Variants in SH3BP4 observed in about 807,000 individuals in gnomAD.
SH3BP4 encodes SH3 domain-binding protein 4.
SH3BP4 carries 33 observed loss-of-function variants against 65.5 expected under a neutral mutation model. The observed-to-expected ratio is 0.50, with a 90% CI of 0.38 to 0.67. The LOEUF (loss-of-function observed/expected upper bound fraction) is 0.67, where lower values mean the gene tolerates loss of function less well. SH3BP4 is among the 30% of genes least tolerant of loss of function. The pLI, the probability that SH3BP4 is intolerant of heterozygous loss-of-function variation, is 0.00. For synonymous variants in SH3BP4, 552 were observed against 545.5 expected (o/e 1.01, Z -0.17); for missense variants, 1,134 against 1,261.4 (o/e 0.90, Z 1.53).
intron 2 of SH3BP4, among the ~76,000 whole-genome samples, chr2:235,032,820 G>C (rs1206818655): frequency 6.6e-6 from 1 of 152,160 alleles, no homozygotes; most frequent in Non-Finnish European, 1.5e-5. Flanking sequence ...CTGCCAGCCA[G>C]GGAGTCTCGG....
chr2:235,038,843 C>T (rs577574693), intron 3 of SH3BP4, among the ~76,000 whole-genome samples: 57 of 152,096 alleles, frequency 3.7e-4, no homozygotes, highest in African/African-American at 1.4e-3. Context: ...ATGTGTGGTG[C>T]TATATTTTGG....
intron 2 of SH3BP4, among the ~76,000 whole-genome samples, chr2:235,027,052 G>A (rs1184891774): frequency 2.6e-5 from 4 of 152,200 alleles, no homozygotes; most frequent in African/African-American, 9.6e-5. Context: ...TGTAACAGGC[G>A]GGGCATCTGC....
chr2:234,987,068 G>A (rs527661443), intron 1 of SH3BP4, among the ~76,000 whole-genome samples: 3 of 152,094 alleles, frequency 2.0e-5, no homozygotes, highest in African/African-American at 2.4e-5. Flanking sequence ...CACCCCGCCC[G>A]GCCTGCTAAT....
At chr2:235,040,797 CTGTT>C in intron 3 of SH3BP4, 87 bp from the exon 4 acceptor site, 1 of 1,109,962 alleles carries the variant, frequency 9.0e-7, no homozygotes, top group Non-Finnish European at 1.3e-6. Context: ...GTGCACCTGT[CTGTT>C]TACCACCGTC....
At chr2:234,954,987 G>A (rs147895398) in intron 1 of SH3BP4, among the ~76,000 whole-genome samples, 1 of 152,316 alleles carries the variant, frequency 6.6e-6, no homozygotes, top group African/African-American at 2.4e-5. Flanking sequence ...AGGAGCTGCT[G>A]TTTACAACTG....
intron 2 of SH3BP4, among the ~76,000 whole-genome samples, chr2:235,019,214 G>A (rs1386599380): frequency 3.3e-5 from 5 of 152,134 alleles, no homozygotes; most frequent in Non-Finnish European, 7.4e-5. Flanking sequence ...GGTGGGTGGA[G>A]GGAGTGGAAC....
chr2:235,005,371 G>A (rs1010634162), intron 2 of SH3BP4, among the ~76,000 whole-genome samples: 1 of 152,016 alleles, frequency 6.6e-6, no homozygotes, highest in Non-Finnish European at 1.5e-5. Flanking sequence ...GGCTCACTCC[G>A]GCTCCCCTGA....
chr2:235,025,441 G>T (rs1449381585), intron 2 of SH3BP4, among the ~76,000 whole-genome samples: 1 of 152,200 alleles, frequency 6.6e-6, no homozygotes, highest in Non-Finnish European at 1.5e-5. Flanking sequence ...GAAGGTCCGG[G>T]TCCTGCTTTC....
rs2106269990 is a variant in SH3BP4 at position 234,991,664 on chromosome 2, G to A, written c.-206-3639G>A. Among the ~76,000 whole-genome samples the A allele has an allele frequency of 6.6e-6, 1 of 152,328 alleles. No individual in the cohort carries two copies. Among genetic ancestry groups the A allele is most frequent in the South Asian group, 2.1e-4 (1 of 4,826 alleles). On this transcript the variant is annotated intron_variant, in intron 1 of 5. Coordinates refer to ENST00000392011, the MANE Select transcript of SH3BP4 (RefSeq NM_014521.3). The surrounding 1 kb of genome is among the most constrained non-coding windows in gnomAD (Gnocchi z 4.2). Reference sequence around the variant, plus strand: ...GCCCACAGGAGAACAGTGCTTGACTGAAAGATCGTACCCCCCTCTTCTCAG... The same window carrying A: ...GCCCACAGGAGAACAGTGCTTGACTAAAAGATCGTACCCCCCTCTTCTCAG...
chr2:234,974,290 G>A lies in SH3BP4; in HGVS notation c.-206-21013G>A, dbSNP rs939586948. ...TGAAGCAGGAGAATCACTTGAACCC[G>A]GGAGGCTGGGGTTGCAGTGAGCCAA... is the stretch of plus-strand genomic sequence containing the variant. On this transcript the variant is annotated intron_variant, in intron 1 of 5. Coordinates refer to ENST00000392011, the MANE Select transcript of SH3BP4 (RefSeq NM_014521.3). The surrounding 1 kb of genome is among the most constrained non-coding windows in gnomAD (Gnocchi z 4.6). 3.9e-5 allele frequency among the ~76,000 whole-genome samples: 6 copies of A among 152,052 alleles called. No homozygotes were observed. Among genetic ancestry groups the A allele is most frequent in the African/African-American group, 9.7e-5 (4 of 41,406 alleles).
intron 2 of SH3BP4, among the ~76,000 whole-genome samples, chr2:235,010,960 C>G (rs1694474029): frequency 6.7e-6 from 1 of 149,546 alleles, no homozygotes; most frequent in African/African-American, 2.5e-5. Flanking sequence ...TCCTAGAACC[C>G]TTCTTCCCTC....
Position 235,046,642 on chromosome 2 carries a change from CTAACTGAACA to C in SH3BP4, c.2478+3398_2478+3407del, listed in dbSNP as rs761660218. 2.0e-5 allele frequency among the ~76,000 whole-genome samples: 3 copies of C among 152,094 alleles called. No individual in the cohort carries two copies. The highest frequency in any genetic ancestry group is 2.9e-5 in the Non-Finnish European group (2 of 68,034). On this transcript the variant is annotated intron_variant, in intron 4 of 5. Coordinates refer to ENST00000392011, the MANE Select transcript of SH3BP4 (RefSeq NM_014521.3). This position sits in a 1 kb window ranked among gnomAD's most constrained non-coding sequence, Gnocchi z 4.2. The stretch of plus-strand genomic sequence containing the variant: ...TGTGCACTTGTTTCTCATTATTACT[CTAACTGAACA>C]TAGGTCCCATGAGAGGAAGGGCCCC...
intron 1 of SH3BP4, among the ~76,000 whole-genome samples, chr2:234,959,617 C>G (rs1358218583): frequency 6.6e-6 from 1 of 151,464 alleles, no homozygotes; most frequent in Non-Finnish European, 1.5e-5. Flanking sequence ...CTTTGTTTAC[C>G]CATTTTCCAC....
intron 2 of SH3BP4, among the ~76,000 whole-genome samples, chr2:235,028,703 G>A (rs946195564): frequency 2.0e-5 from 3 of 152,132 alleles, no homozygotes; most frequent in African/African-American, 7.2e-5. Context: ...TGTGTCTAGC[G>A]GTGGTAAAGG....
intron 2 of SH3BP4, among the ~76,000 whole-genome samples, chr2:235,010,844 C>A (rs1300614716): frequency 7.5e-6 from 1 of 133,120 alleles, no homozygotes; most frequent in African/African-American, 2.7e-5. Context: ...CCTAGGAGAA[C>A]CCTTCCTCCC....
In SH3BP4 at chr2:235,053,609, G is replaced by C. The variant is rs199919152; in HGVS notation, c.2685G>C (p.Ala895=). The C allele has an allele frequency of 1.2e-6, 2 of 1,614,038 alleles. No homozygotes were observed. The highest frequency in any genetic ancestry group is 3.3e-5 in the Admixed American group (2 of 60,020). Reference sequence around the variant, plus strand: ...CCTCCCAGGCCATGTGGAAGCCTGCGTATGACTTCTTACTCACCTGGAGCC... The same window carrying C: ...CCTCCCAGGCCATGTGGAAGCCTGCCTATGACTTCTTACTCACCTGGAGCC... ...VVDSEAMWKP[A]YDFLLTWSHQ... The change falls in exon 6 of 6, where the codon GCG becomes GCC. Residue 895 remains alanine (A), a synonymous_variant. Transcript: ENST00000392011.
In SH3BP4 at chr2:235,052,794, C is replaced by G. The variant is rs779029972; in HGVS notation, c.2667+44C>G. 13 of 1,511,252 alleles carry G rather than the reference C, an allele frequency of 8.6e-6. No individual in the cohort carries two copies. In the South Asian group the frequency reaches 1.6e-4, roughly 19 times the overall value. 93.6% of individuals were successfully genotyped at this position (1,511,252 alleles called of 1,614,324 possible). Reference sequence around the variant, plus strand: ...TCGAGCTCACCGAGCCCCTCTGTCCCTGGGTTCCGTGGACCCATGCAGTGC... The same window carrying G: ...TCGAGCTCACCGAGCCCCTCTGTCCGTGGGTTCCGTGGACCCATGCAGTGC... On this transcript the variant is annotated intron_variant, in intron 5 of 5. Transcript: ENST00000392011. This position sits in a 1 kb window ranked among gnomAD's most constrained non-coding sequence, Gnocchi z 5.0.
chr2:234,984,472 G>T (rs564313897), intron 1 of SH3BP4, among the ~76,000 whole-genome samples: 3 of 152,102 alleles, frequency 2.0e-5, no homozygotes, highest in African/African-American at 7.2e-5. Flanking sequence ...GCTGTCCAAG[G>T]TGTAGAAATT....
At chr2:235,037,517 T>C (rs1695424465) in intron 3 of SH3BP4, among the ~76,000 whole-genome samples, 1 of 152,218 alleles carries the variant, frequency 6.6e-6, no homozygotes, top group Admixed American at 6.5e-5. Flanking sequence ...TTCTCATTGA[T>C]ACATTCTAGG....
Sources: gnomAD v4.1 joint callset for allele counts (sites outside exome capture counted in the v4.1 genomes callset) on GRCh38, gnomAD v4.1.1 for gene constraint, Gnocchi (gnomAD v3.1) non-coding constraint, MANE v1.5 for transcripts, NCBI Gene and HGNC (gene_info 2026-07-23, HGNC 2026-07-21) for gene names.